The following LRRC28 variants were observed in gnomAD, a reference collection of about 807,000 sequenced individuals.
LRRC28 encodes the protein leucine rich repeat containing 28, also known as leucine-rich repeat-containing protein 28.
Under a neutral mutation model 45.7 loss-of-function variants are expected in LRRC28, and 39 were observed. The observed-to-expected ratio is 0.85, with a 90% CI of 0.66 to 1.12. LRRC28 has a LOEUF of 1.12. Ranked by LOEUF, LRRC28 falls within the 50% of genes most tolerant of loss-of-function variation. The pLI, the probability that LRRC28 is intolerant of heterozygous loss-of-function variation, is 0.00. For missense variants in LRRC28, 435 were observed against 438.5 expected, an observed-to-expected ratio of 0.99 and a Z score of 0.07; for synonymous variants, 206 against 178.8, an observed-to-expected ratio of 1.15 and a Z score of -1.22.
At chr15:99,259,263 A>T in intron 2 of LRRC28, 1 of 1,059,830 alleles carries the variant, frequency 9.4e-7, no homozygotes, top group African/African-American at 1.6e-5. Flanking sequence ...AAAGAGGCTG[A>T]ATCTTCTCCA....
intron 2 of LRRC28, among the ~76,000 whole-genome samples, chr15:99,262,575 C>T (rs942549420): frequency 2.6e-5 from 4 of 152,060 alleles, no homozygotes; most frequent in East Asian, 1.9e-4. Flanking sequence ...GAGTGAGACT[C>T]GGTCTCAAAA....
intron 5 of LRRC28, among the ~76,000 whole-genome samples, chr15:99,293,633 A>AAAAAAAAAAAAAC (rs2082191381): frequency 7.2e-6 from 1 of 139,512 alleles, no homozygotes; most frequent in Non-Finnish European, 1.5e-5. Flanking sequence ...AAAAAAAAAA[A>AAAAAAAAAAAAAC]CCTAAACAAT....
intron 9 of LRRC28, among the ~76,000 whole-genome samples, chr15:99,383,965 G>A (rs1480812637): frequency 6.6e-6 from 1 of 152,154 alleles, no homozygotes; most frequent in Non-Finnish European, 1.5e-5. Context: ...CTGTTGGCCT[G>A]ATCCAATCTT....
At position 99,303,908 on chromosome 15, in the gene LRRC28, C is replaced by G. The variant is rs563227682; in HGVS notation, c.385+15957C>G. On this transcript the variant is annotated intron_variant, in intron 5 of 9. Transcript: ENST00000301981. Reference sequence around the variant, plus strand: ...TTTCTCAACAAAGACAGAGCATTGTCCCCCCCACTGGATGTAATTTATGTA... The same window carrying G: ...TTTCTCAACAAAGACAGAGCATTGTGCCCCCCACTGGATGTAATTTATGTA... 4.6e-5 allele frequency among the ~76,000 whole-genome samples: 7 copies of G among 151,760 alleles called. No homozygotes were observed. In the South Asian group the frequency reaches 1.5e-3, roughly 32 times the overall value.
intron 6 of LRRC28, among the ~76,000 whole-genome samples, chr15:99,351,510 T>A (rs1001287733): frequency 1.3e-5 from 2 of 152,180 alleles, no homozygotes; most frequent in African/African-American, 4.8e-5. Flanking sequence ...TCCTGCTCTC[T>A]GGCCCTTAAG....
intron 5 of LRRC28, among the ~76,000 whole-genome samples, chr15:99,328,238 C>T (rs1174745213): frequency 1.3e-5 from 2 of 152,098 alleles, no homozygotes; most frequent in Non-Finnish European, 2.9e-5. Flanking sequence ...TGATCATAAT[C>T]CTGAAAGATA....
intron 2 of LRRC28, among the ~76,000 whole-genome samples, chr15:99,274,847 C>G (rs1039497408): frequency 6.6e-6 from 1 of 152,094 alleles, no homozygotes; most frequent in Admixed American, 6.5e-5. Flanking sequence ...GCTTCTTGTG[C>G]TTAGAAAGCT....
intron 5 of LRRC28, among the ~76,000 whole-genome samples, chr15:99,303,963 G>GTT (rs1425024591): frequency 6.6e-6 from 1 of 152,136 alleles, no homozygotes; most frequent in Non-Finnish European, 1.5e-5. Flanking sequence ...TGTTTACATT[G>GTT]TTATCAGTTA....
At chr15:99,334,402 A>AGTGTGTGT (rs57298947) in intron 6 of LRRC28, among the ~76,000 whole-genome samples, 7,131 of 144,640 alleles carry the variant, frequency 0.049, 196 homozygotes, top group African/African-American at 0.079. Flanking sequence ...GGAATTAAAG[A>AGTGTGTGT]GTGTGTGTGT....
intron 5 of LRRC28, among the ~76,000 whole-genome samples, chr15:99,333,197 A>G (rs1215606748): frequency 6.6e-6 from 1 of 152,222 alleles, no homozygotes; most frequent in Non-Finnish European, 1.5e-5. Context: ...GATTTGATGT[A>G]TGAAAAGGAC....
At chr15:99,319,732 A>G (rs1048292373) in intron 5 of LRRC28, among the ~76,000 whole-genome samples, 6 of 151,950 alleles carry the variant, frequency 3.9e-5, no homozygotes, top group African/African-American at 1.4e-4. Context: ...CTTGGCACCT[A>G]GACATAAATA....
intron 5 of LRRC28, among the ~76,000 whole-genome samples, chr15:99,297,928 A>T (rs2082307070): frequency 6.6e-6 from 1 of 152,090 alleles, no homozygotes; most frequent in African/African-American, 2.4e-5. Flanking sequence ...TTTCTGAACG[A>T]TGTGTCCTTC....
chr15:99,359,604 A>G (rs1353667769), intron 7 of LRRC28, among the ~76,000 whole-genome samples: 1 of 152,198 alleles, frequency 6.6e-6, no homozygotes, highest in African/African-American at 2.4e-5. Context: ...TTCATTTTTC[A>G]TGGCCAGTGG....
intron 9 of LRRC28, among the ~76,000 whole-genome samples, chr15:99,371,623 A>G (rs1030002110): frequency 1.1e-4 from 16 of 152,198 alleles, no homozygotes; most frequent in Non-Finnish European, 1.9e-4. Flanking sequence ...GCCAAGTAAT[A>G]TCAGTCACAC....
chr15:99,273,859 C>G (rs778476527), intron 2 of LRRC28, among the ~76,000 whole-genome samples: 1 of 152,230 alleles, frequency 6.6e-6, no homozygotes, highest in Non-Finnish European at 1.5e-5. Context: ...AACAGTCAAA[C>G]AGCATTTCTT....
intron 5 of LRRC28, among the ~76,000 whole-genome samples, chr15:99,301,410 T>C (rs1954964700): frequency 6.6e-6 from 1 of 152,204 alleles, no homozygotes; most frequent in South Asian, 2.1e-4. Context: ...TATTTGAATA[T>C]TCTTGGTTTG....
chr15:99,292,517 A>G (rs2082150649), intron 5 of LRRC28, among the ~76,000 whole-genome samples: 2 of 151,426 alleles, frequency 1.3e-5, no homozygotes, highest in African/African-American at 4.9e-5. Flanking sequence ...GGCGCCCGCC[A>G]CCGCGCCCGG....
At chr15:99,281,101 C>T (rs937457695) in intron 3 of LRRC28, among the ~76,000 whole-genome samples, 3 of 151,926 alleles carry the variant, frequency 2.0e-5, no homozygotes, top group South Asian at 2.1e-4. Context: ...TATCCTAGCT[C>T]GTTGCAGCCT....
At chr15:99,302,824 G>A (rs1174221198) in intron 5 of LRRC28, among the ~76,000 whole-genome samples, 4 of 152,102 alleles carry the variant, frequency 2.6e-5, no homozygotes, top group African/African-American at 9.7e-5. Flanking sequence ...TCATGTTTTA[G>A]TAGTTTAAAT....
Sources: gnomAD v4.1 joint callset for allele counts (sites outside exome capture counted in the v4.1 genomes callset) on GRCh38, gnomAD v4.1.1 for gene constraint, MANE v1.5 for transcripts, NCBI Gene and HGNC (gene_info 2026-07-23, HGNC 2026-07-21) for gene names.